Variants in CKAP5 observed in about 807,000 individuals in gnomAD.
The protein encoded by CKAP5 is cytoskeleton-associated protein 5.
Under a neutral mutation model 232.8 loss-of-function variants are expected in CKAP5, and 27 were observed. The observed-to-expected ratio is 0.12, with a 90% CI of 0.09 to 0.16. CKAP5 has a LOEUF of 0.16. Ranked by LOEUF, CKAP5 falls within the 10% of genes least tolerant of loss-of-function variation. CKAP5 has a pLI of 1.00. For missense variants in CKAP5, 1,838 were observed against 2,424.7 expected (o/e 0.76, Z 5.08); for synonymous variants, 785 against 841.1 (o/e 0.93, Z 1.16).
intron 13 of CKAP5, among the ~76,000 whole-genome samples, chr11:46,794,771 G>C (rs1334018808): frequency 6.6e-6 from 1 of 152,158 alleles, no homozygotes. Context: ...GGGAGTTCCA[G>C]GTTGCAGTGA....
At position 46,763,072 on chromosome 11, in the gene CKAP5, T is replaced by C. The variant is rs762149262; in HGVS notation, c.3795A>G (p.Leu1265=). 1 of 1,613,268 alleles carries C rather than the reference T, an allele frequency of 6.2e-7. No homozygotes were observed. Among genetic ancestry groups the C allele is most frequent in the Non-Finnish European group, 8.5e-7 (1 of 1,179,326 alleles). The change falls in exon 30 of 44, where the codon CTA becomes CTG. Residue 1265 remains leucine (L), a synonymous_variant. Transcript: ENST00000529230. ...AGGTGAAGAGCAATTTTAAATATTCTAGTGCTTTCATCAGGACGCTTGTAT... is the reference window on the plus strand; with the variant it reads ...AGGTGAAGAGCAATTTTAAATATTCCAGTGCTTTCATCAGGACGCTTGTAT... ...DTNTSVLMKA[L]EYLKLLFTLL...
Position 46,763,312 on chromosome 11 carries a change from T to G in CKAP5, c.3688-133A>C, listed in dbSNP as rs951374668. On this transcript the variant is annotated intron_variant, in intron 29 of 43. Transcript: ENST00000529230. The stretch of plus-strand genomic sequence containing the variant: ...GATTTTTAAGCCTTCAATTAAGACC[T>G]AAAAAATATACACACACATTCATTT... 5.4e-5 allele frequency: 53 copies of G among 986,744 alleles called. No homozygotes were observed. In the Middle Eastern group the frequency reaches 1.6e-3, roughly 31 times the overall value. 61.1% of individuals were successfully genotyped at this position (986,744 alleles called of 1,614,324 possible).
chr11:46,770,021 A>G lies in CKAP5; in HGVS notation c.3264T>C (p.Thr1088=). The G allele has an allele frequency of 6.2e-7, 1 of 1,614,084 alleles. No individual in the cohort carries two copies. The highest frequency in any genetic ancestry group is 1.3e-5 in the African/African-American group (1 of 75,016). Residue 1088 remains threonine (T), a synonymous_variant, in exon 26 of 44, where the codon ACT becomes ACC. Transcript: ENST00000529230. ...CTCCCATTGGTTTAGAAGTTGCTTT[A>G]GTGGGTGGAGCAGGCTTGGCTGGCA... is the stretch of plus-strand genomic sequence containing the variant. The part of the protein sequence containing the change: ...VNMPAKPAPP[T]KATSKPMGGS...
At chr11:46,773,381 T>A (rs1420752282) in intron 24 of CKAP5, among the ~76,000 whole-genome samples, 1 of 151,924 alleles carries the variant, frequency 6.6e-6, no homozygotes, top group Admixed American at 6.6e-5. Flanking sequence ...CCTGAGTAGC[T>A]GGGATTAGAG....
intron 13 of CKAP5, among the ~76,000 whole-genome samples, chr11:46,792,814 T>C (rs1938772531): frequency 6.6e-6 from 1 of 152,198 alleles, no homozygotes; most frequent in African/African-American, 2.4e-5. Context: ...CAAGAAAATC[T>C]GGACACATCT....
chr11:46,752,219 C>CACACACACACACACAA, intron 38 of CKAP5, among the ~76,000 whole-genome samples: 1 of 86,244 alleles, frequency 1.2e-5, no homozygotes, highest in Admixed American at 1.8e-4. Flanking sequence ...CACACACACA[C>CACACACACACACACAA]ACACACACAC....
At chr11:46,814,300 G>A (rs900881475) in intron 4 of CKAP5, among the ~76,000 whole-genome samples, 1 of 152,004 alleles carries the variant, frequency 6.6e-6, no homozygotes, top group South Asian at 2.1e-4. Context: ...AAAAACATCT[G>A]CTTACTATAT....
rs1379811667 is a variant in CKAP5 at position 46,818,358 on chromosome 11, C to A, written c.203G>T (p.Gly68Val). 6.2e-7 allele frequency: 1 copy of A among 1,610,912 alleles called. No individual in the cohort carries two copies. ...TDSNAVVQLK[G>V]LEAALVYVEN... ...AACATAAACAAGTGCAGCTTCTAAT[C>A]CTTTCAATTGAACCACTGCATTGGA... The change falls in exon 3 of 44, where the codon GGA becomes GTA. Residue 68 changes from glycine (G) to valine (V), a missense_variant. Coordinates refer to ENST00000529230, the MANE Select transcript of CKAP5 (RefSeq NM_001008938.4).
intron 1 of CKAP5, among the ~76,000 whole-genome samples, chr11:46,824,087 T>C (rs1430036292): frequency 6.6e-6 from 1 of 152,178 alleles, no homozygotes; most frequent in Non-Finnish European, 1.5e-5. Context: ...TTAAGTAACC[T>C]GCCAAAACAA....
At chr11:46,754,537 A>AT (rs1473134080) in intron 36 of CKAP5, among the ~76,000 whole-genome samples, 1 of 152,172 alleles carries the variant, frequency 6.6e-6, no homozygotes, top group African/African-American at 2.4e-5. Context: ...ACAGAGTGGT[A>AT]TTTCAACACA....
chr11:46,819,775 C>T (rs1463236164), intron 2 of CKAP5, among the ~76,000 whole-genome samples: 1 of 152,110 alleles, frequency 6.6e-6, no homozygotes, highest in Non-Finnish European at 1.5e-5. Flanking sequence ...CTATAAGATG[C>T]ATTCATTAGG....
intron 8 of CKAP5, among the ~76,000 whole-genome samples, chr11:46,806,382 A>G (rs1939155105): frequency 6.6e-6 from 1 of 152,332 alleles, no homozygotes; most frequent in Middle Eastern, 3.4e-3. Flanking sequence ...TCAGCACCAG[A>G]GCAATAAGAT....
intron 12 of CKAP5, among the ~76,000 whole-genome samples, chr11:46,796,210 T>C (rs1014873847): frequency 6.6e-6 from 1 of 151,442 alleles, no homozygotes; most frequent in Non-Finnish European, 1.5e-5. Flanking sequence ...AAAATTTCCC[T>C]TTCAACAAAA....
chr11:46,760,792 GA>G lies in CKAP5; in HGVS notation c.4222-9del. On this transcript the variant is annotated splice_polypyrimidine_tract_variant and intron_variant, in intron 32 of 43. Coordinates refer to ENST00000529230, the MANE Select transcript of CKAP5 (RefSeq NM_001008938.4). ...CATATCCTTTTCAGAAAGCTGTAAA[GA>G]GGCCAAATTTAGAAACCTAACTGGA... The G allele has an allele frequency of 6.2e-7, 1 of 1,610,622 alleles. No homozygotes were observed. Among genetic ancestry groups the G allele is most frequent in the Non-Finnish European group, 8.5e-7 (1 of 1,178,714 alleles).
At chr11:46,834,443 T>C (rs774582777) in intron 1 of CKAP5, among the ~76,000 whole-genome samples, 3 of 141,270 alleles carry the variant, frequency 2.1e-5, no homozygotes, top group Non-Finnish European at 3.0e-5. Flanking sequence ...CGCTTGAACC[T>C]GGGAGGCGGT....
chr11:46,818,630 C>G, intron 2 of CKAP5, 127 bp from the exon 3 acceptor site: 1 of 632,138 alleles, frequency 1.6e-6, no homozygotes. Context: ...AACAAAGGAC[C>G]CCATGACTAG....
Position 46,770,254 on chromosome 11 carries a change from C to G in CKAP5, c.3187-156G>C. On this transcript the variant is annotated intron_variant, in intron 25 of 43. Transcript: ENST00000529230. Reference sequence around the variant, plus strand: ...GCAGTACATGGTGTCAGAGAAGTCACACACATTATGAAGTCACACTAAGGT... The same window carrying G: ...GCAGTACATGGTGTCAGAGAAGTCAGACACATTATGAAGTCACACTAAGGT... 1.1e-5 allele frequency: 8 copies of G among 718,670 alleles called. No individual in the cohort carries two copies. The South Asian group carries it at 1.4e-4, about 13-fold the overall frequency. The allele number at this position is 718,670 out of a possible 1,614,324, so 44.5% of individuals were successfully genotyped here.
Position 46,788,789 on chromosome 11 carries a change from G to A in CKAP5, c.1876-16C>T. ...GCTCAACAGCCTTGAAGTAAAATAA[G>A]AGAATAAGAGTTTAAGGGTTAAAGG... On this transcript the variant is annotated splice_polypyrimidine_tract_variant and intron_variant, in intron 15 of 43. Transcript: ENST00000529230. 1 of 1,561,134 alleles carries A rather than the reference G, an allele frequency of 6.4e-7. No individual in the cohort carries two copies. The highest frequency in any genetic ancestry group is 8.8e-7 in the Non-Finnish European group (1 of 1,140,114).
intron 1 of CKAP5, among the ~76,000 whole-genome samples, chr11:46,836,832 T>C (rs1286017679): frequency 6.6e-6 from 1 of 152,226 alleles, no homozygotes; most frequent in Non-Finnish European, 1.5e-5. Flanking sequence ...GTACTGTTAA[T>C]CCCAGCACTT....
Sources: gnomAD v4.1 joint callset for allele counts (sites outside exome capture counted in the v4.1 genomes callset) on GRCh38, gnomAD v4.1.1 for gene constraint, MANE v1.5 for transcripts, NCBI Gene and HGNC (gene_info 2026-07-23, HGNC 2026-07-21) for gene names.